KIAA1217: variants seen among roughly 807,000 people sequenced by gnomAD.
The protein encoded by KIAA1217 is KIAA1217.
KIAA1217 carries 88 observed loss-of-function variants against 163.9 expected under a neutral mutation model. The ratio of observed to expected loss-of-function variants is 0.54; its 90% CI spans 0.45 to 0.64. KIAA1217 has a LOEUF of 0.64. Ranked by LOEUF, KIAA1217 falls within the 30% of genes least tolerant of loss-of-function variation. The probability of loss-of-function intolerance (pLI) is 0.00; values close to 1 mark genes in which losing one functional copy is unlikely to be tolerated. For synonymous variants in KIAA1217, 903 were observed against 923.1 expected (o/e 0.98, Z 0.39); for missense variants, 2,372 against 2,475.0 (o/e 0.96, Z 0.88).
At chr10:23,866,257 G>T (rs916367332) in intron 1 of KIAA1217, among the ~76,000 whole-genome samples, 1 of 152,092 alleles carries the variant, frequency 6.6e-6, no homozygotes, top group African/African-American at 2.4e-5. Flanking sequence ...AATGAAAGTT[G>T]CTTATCTGTT....
upstream of KIAA1217, among the ~76,000 whole-genome samples, chr10:24,206,064 T>C (rs144198065): frequency 3.9e-3 from 595 of 152,324 alleles, 5 homozygotes; most frequent in African/African-American, 0.013. Flanking sequence ...TGGTAGCTCA[T>C]TTTGAGTCAT....
At chr10:24,177,240 G>A (rs866454781) in intron 2 of KIAA1217, among the ~76,000 whole-genome samples, 3 of 113,494 alleles carry the variant, frequency 2.6e-5, no homozygotes, top group African/African-American at 1.1e-4. Context: ...CTGCTAGCAC[G>A]TTTTCACCTC....
chr10:23,744,339 G>T (rs548664539), intron 1 of KIAA1217, among the ~76,000 whole-genome samples: 2 of 152,142 alleles, frequency 1.3e-5, no homozygotes, highest in Non-Finnish European at 2.9e-5. Context: ...CAGGTCTAAA[G>T]GTCAATTTTT....
At chr10:24,118,218 G>A (rs2063138473) in intron 2 of KIAA1217, among the ~76,000 whole-genome samples, 1 of 151,834 alleles carries the variant, frequency 6.6e-6, no homozygotes, top group Non-Finnish European at 1.5e-5. Context: ...ACGTCCTTAC[G>A]TGCATTTCTC....
chr10:23,813,203 T>G (rs1837155313), intron 1 of KIAA1217, among the ~76,000 whole-genome samples: 1 of 152,210 alleles, frequency 6.6e-6, no homozygotes, highest in Admixed American at 6.5e-5. Flanking sequence ...GTTGAACATC[T>G]TGAGCCTATT....
At chr10:24,033,472 C>T (rs1490449987) in intron 2 of KIAA1217, among the ~76,000 whole-genome samples, 4 of 152,158 alleles carry the variant, frequency 2.6e-5, no homozygotes, top group African/African-American at 4.8e-5. Context: ...GGACCTTGCT[C>T]CTGTTCCCAC....
intron 8 of KIAA1217, 97 bp downstream of exon 8, chr10:24,495,293 A>G: frequency 3.2e-6 from 3 of 944,176 alleles, no homozygotes; most frequent in Non-Finnish European, 4.9e-6. Context: ...TAAGTCACGT[A>G]TTTGGTATGA....
At chr10:24,316,640 C>T (rs1291817807) in intron 2 of KIAA1217, among the ~76,000 whole-genome samples, 2 of 152,144 alleles carry the variant, frequency 1.3e-5, no homozygotes, top group Non-Finnish European at 2.9e-5. Context: ...GATACAGACA[C>T]TTTGGTGACT....
At chr10:24,390,105 C>CT (rs1299133361) in intron 3 of KIAA1217, among the ~76,000 whole-genome samples, 27 of 152,044 alleles carry the variant, frequency 1.8e-4, no homozygotes, top group African/African-American at 6.0e-4. Flanking sequence ...TTAATAAATC[C>CT]ATTTTTTTTA....
chr10:24,312,088 T>C (rs150882495), intron 2 of KIAA1217, among the ~76,000 whole-genome samples: 63 of 152,238 alleles, frequency 4.1e-4, no homozygotes, highest in Non-Finnish European at 8.1e-4. Flanking sequence ...AGTTTATTTG[T>C]AGGATCTGGG....
intron 10 of KIAA1217, among the ~76,000 whole-genome samples, chr10:24,518,664 T>C (rs769116194): frequency 3.3e-5 from 5 of 152,290 alleles, no homozygotes; most frequent in Non-Finnish European, 5.9e-5. Context: ...GGTTGTGCAA[T>C]AGAAAAGAAC....
intron 1 of KIAA1217, among the ~76,000 whole-genome samples, chr10:23,785,878 A>G (rs1835469410): frequency 6.6e-6 from 1 of 152,182 alleles, no homozygotes; most frequent in Non-Finnish European, 1.5e-5. Flanking sequence ...AAAAAGGAAC[A>G]TGAAGCCATA....
chr10:23,954,710 G>C (rs1255044618), intron 1 of KIAA1217, among the ~76,000 whole-genome samples: 1 of 152,152 alleles, frequency 6.6e-6, no homozygotes, highest in African/African-American at 2.4e-5. Context: ...TCTGCTCTAT[G>C]CTGGGAACTT....
At chr10:23,728,167 T>C (rs952610545) in intron 1 of KIAA1217, among the ~76,000 whole-genome samples, 2 of 152,240 alleles carry the variant, frequency 1.3e-5, no homozygotes, top group African/African-American at 4.8e-5. Context: ...TATAATCCTT[T>C]GGGTATATAC....
intron 2 of KIAA1217, among the ~76,000 whole-genome samples, chr10:24,299,410 A>AT (rs1430735117): frequency 6.6e-6 from 1 of 151,964 alleles, no homozygotes; most frequent in East Asian, 1.9e-4. Context: ...TTGATATGTG[A>AT]GTTTTTTCCT....
chr10:24,208,038 C>T (rs1020843386), upstream of KIAA1217, among the ~76,000 whole-genome samples: 1 of 150,850 alleles, frequency 6.6e-6, no homozygotes. Flanking sequence ...GTTACAAAAT[C>T]GCGCTCTTCC....
intron 17 of KIAA1217, among the ~76,000 whole-genome samples, chr10:24,538,119 C>T (rs2074302457): frequency 6.6e-6 from 1 of 152,188 alleles, no homozygotes; most frequent in African/African-American, 2.4e-5. Context: ...TACCTCAGTC[C>T]ATGTACGACA....
chr10:23,975,262 T>C (rs1490862914), intron 1 of KIAA1217, among the ~76,000 whole-genome samples: 1 of 152,134 alleles, frequency 6.6e-6, no homozygotes, highest in Non-Finnish European at 1.5e-5. Flanking sequence ...GCTCCGTGGG[T>C]CTCTTGTCTG....
intron 1 of KIAA1217, among the ~76,000 whole-genome samples, chr10:23,711,052 A>T (rs1398182122): frequency 6.6e-6 from 1 of 152,184 alleles, no homozygotes; most frequent in Non-Finnish European, 1.5e-5. Context: ...CTTTATCTAG[A>T]TGTGAGCACC....
Sources: allele counts gnomAD v4.1 joint callset (sites outside exome capture counted in the v4.1 genomes callset), GRCh38; gene constraint gnomAD v4.1.1; transcripts MANE v1.5; gene names NCBI Gene and HGNC (gene_info 2026-07-23, HGNC 2026-07-21).